CFAP299: variants seen among roughly 807,000 people sequenced by gnomAD.
The protein encoded by CFAP299 is cilia and flagella associated protein 299, also known as cilia- and flagella-associated protein 299.
Under a neutral mutation model 27.0 loss-of-function variants are expected in CFAP299, and 21 were observed. The observed-to-expected ratio is 0.78, with a 90% CI of 0.55 to 1.12. The LOEUF (loss-of-function observed/expected upper bound fraction) is 1.12, where lower values mean the gene tolerates loss of function less well. CFAP299 is among the 50% of genes most tolerant of loss of function. The pLI, the probability that CFAP299 is intolerant of heterozygous loss-of-function variation, is 0.00. For missense variants in CFAP299, 310 were observed against 276.6 expected (o/e 1.12, Z -0.86); for synonymous variants, 104 against 98.1 (o/e 1.06, Z -0.36).
At chr4:80,857,988 G>C (rs1427677113) in intron 3 of CFAP299, among the ~76,000 whole-genome samples, 1 of 152,066 alleles carries the variant, frequency 6.6e-6, no homozygotes, top group Non-Finnish European at 1.5e-5. Context: ...AATGGTACCT[G>C]TTCCTCCTTG....
chr4:80,471,602 T>TG (rs1480981209), intron 2 of CFAP299, among the ~76,000 whole-genome samples: 2 of 14,310 alleles, frequency 1.4e-4, no homozygotes, highest in Non-Finnish European at 2.7e-4. Flanking sequence ...GCAGGGGGGT[T>TG]GGGGGGAGCA....
In CFAP299 at chr4:80,767,189, A is replaced by G. The variant is rs183095707; in HGVS notation, c.334-102804A>G. Among the ~76,000 whole-genome samples the G allele has an allele frequency of 1.4e-3, 212 of 152,268 alleles. 2 individuals are homozygous for G. Among genetic ancestry groups the G allele is most frequent in the African/African-American group, 4.9e-3 (203 of 41,562 alleles). ...AATATACACATGTGTATTCCTATAT[A>G]TATAATAAAGTTTAATTTATAAATT... On this transcript the variant is annotated intron_variant, in intron 3 of 5. Coordinates refer to ENST00000358105, the MANE Select transcript of CFAP299 (RefSeq NM_152770.3).
At position 80,810,262 on chromosome 4, in the gene CFAP299, C is replaced by T. The variant is rs376703292; in HGVS notation, c.334-59731C>T. On this transcript the variant is annotated intron_variant, in intron 3 of 5. Transcript: ENST00000358105. The stretch of plus-strand genomic sequence containing the variant: ...ATATTTGTTAACGTTCCCTACCCAG[C>T]CCTTGAAGGAACTTAATCAGATTCT... 1.1e-4 allele frequency among the ~76,000 whole-genome samples: 17 copies of T among 151,890 alleles called. No individual in the cohort carries two copies. In the East Asian group the frequency reaches 3.1e-3, roughly 28 times the overall value.
At chr4:80,694,971 A>G (rs771637091) in intron 3 of CFAP299, among the ~76,000 whole-genome samples, 8 of 152,208 alleles carry the variant, frequency 5.3e-5, no homozygotes, top group Non-Finnish European at 7.3e-5. Flanking sequence ...TTTTGGGGAT[A>G]AAGTTGTGCT....
intron 3 of CFAP299, among the ~76,000 whole-genome samples, chr4:80,635,029 T>C (rs964887177): frequency 6.6e-6 from 1 of 152,172 alleles, no homozygotes; most frequent in Non-Finnish European, 1.5e-5. Context: ...CAGAGAAATA[T>C]AATGTAATAT....
intron 3 of CFAP299, among the ~76,000 whole-genome samples, chr4:80,776,471 T>G (rs1429325058): frequency 1.3e-5 from 2 of 152,106 alleles, no homozygotes. Flanking sequence ...TTAATCAGAT[T>G]CTCAGAAGTG....
intron 2 of CFAP299, among the ~76,000 whole-genome samples, chr4:80,410,714 T>A (rs1049702848): frequency 2.6e-5 from 4 of 152,208 alleles, no homozygotes; most frequent in African/African-American, 9.6e-5. Flanking sequence ...TTGCATTAAT[T>A]ATCTCACTTA....
At chr4:80,889,664 A>G (rs1734154703) in intron 4 of CFAP299, among the ~76,000 whole-genome samples, 3 of 152,234 alleles carry the variant, frequency 2.0e-5, no homozygotes, top group South Asian at 4.1e-4. Flanking sequence ...AGACAAAAAC[A>G]TATCTAAAAT....
At chr4:80,909,239 C>A (rs1213174973) in intron 4 of CFAP299, among the ~76,000 whole-genome samples, 1 of 151,836 alleles carries the variant, frequency 6.6e-6, no homozygotes, top group Non-Finnish European at 1.5e-5. Flanking sequence ...GGTCACCAAA[C>A]TTCATTGACT....
chr4:80,893,973 G>A (rs896829977), intron 4 of CFAP299, among the ~76,000 whole-genome samples: 23 of 151,666 alleles, frequency 1.5e-4, no homozygotes, highest in Non-Finnish European at 8.8e-5. Flanking sequence ...TCTGATAAGG[G>A]ATTAATATCC....
At chr4:80,854,885 G>C (rs1731754783) in intron 3 of CFAP299, among the ~76,000 whole-genome samples, 2 of 135,528 alleles carry the variant, frequency 1.5e-5, no homozygotes, top group African/African-American at 5.5e-5. Context: ...TTCTAAACTA[G>C]ATAGAAGGAT....
intron 2 of CFAP299, among the ~76,000 whole-genome samples, chr4:80,508,477 T>C (rs969221253): frequency 2.6e-5 from 4 of 152,196 alleles, no homozygotes; most frequent in African/African-American, 9.6e-5. Context: ...AGTTGTATTA[T>C]CCTCCTAATG....
At chr4:80,926,965 C>A (rs1736340047) in intron 4 of CFAP299, among the ~76,000 whole-genome samples, 1 of 152,030 alleles carries the variant, frequency 6.6e-6, no homozygotes, top group South Asian at 2.1e-4. Context: ...TTCTTACTAC[C>A]ATCACCATAA....
At chr4:80,695,435 C>T (rs1035919004) in intron 3 of CFAP299, among the ~76,000 whole-genome samples, 1 of 152,166 alleles carries the variant, frequency 6.6e-6, no homozygotes, top group African/African-American at 2.4e-5. Flanking sequence ...TCAATAGATA[C>T]CTTCACTACC....
At chr4:80,356,662 T>C (rs1053115753) in intron 1 of CFAP299, among the ~76,000 whole-genome samples, 2 of 152,112 alleles carry the variant, frequency 1.3e-5, no homozygotes, top group Admixed American at 6.6e-5. Context: ...TTAGGAATGC[T>C]TGTGATTTCT....
chr4:80,812,721 A>G (rs1205363969), intron 3 of CFAP299, among the ~76,000 whole-genome samples: 1 of 152,140 alleles, frequency 6.6e-6, no homozygotes. Context: ...AACACAGAGC[A>G]TTCATATTAA....
intron 2 of CFAP299, among the ~76,000 whole-genome samples, chr4:80,558,471 G>T (rs1734891091): frequency 1.3e-5 from 2 of 149,272 alleles, no homozygotes; most frequent in South Asian, 4.2e-4. Context: ...ATCAATTCCT[G>T]CAGTCCTGAC....
intron 3 of CFAP299, among the ~76,000 whole-genome samples, chr4:80,839,189 A>T (rs957884529): frequency 9.2e-5 from 14 of 152,104 alleles, no homozygotes; most frequent in African/African-American, 2.9e-4. Context: ...CTTACTTATT[A>T]TACTGTTCTT....
intron 2 of CFAP299, among the ~76,000 whole-genome samples, chr4:80,579,820 T>C (rs755684614): frequency 3.9e-5 from 6 of 152,068 alleles, no homozygotes; most frequent in Non-Finnish European, 7.4e-5. Context: ...TAGACATATA[T>C]CTATATATAA....
Sources: allele counts gnomAD v4.1 joint callset (sites outside exome capture counted in the v4.1 genomes callset), GRCh38; gene constraint gnomAD v4.1.1; transcripts MANE v1.5; gene names NCBI Gene and HGNC (gene_info 2026-07-23, HGNC 2026-07-21).